The following ANO4 variants were observed in gnomAD, a reference collection of about 807,000 sequenced individuals.
The protein encoded by ANO4 is anoctamin 4, also known as anoctamin-4.
Under a neutral mutation model 141.9 loss-of-function variants are expected in ANO4, and 69 were observed. The observed-to-expected ratio is 0.49, with a 90% CI of 0.40 to 0.59. The LOEUF (loss-of-function observed/expected upper bound fraction) is 0.59. Ranked by LOEUF, ANO4 falls within the 20% of genes least tolerant of loss-of-function variation. The pLI is 0.00. For missense variants in ANO4, 894 were observed against 1,162.2 expected (o/e 0.77, Z 3.36); for synonymous variants, 350 against 394.3 (o/e 0.89, Z 1.33).
rs192979223 is a variant in ANO4 at position 100,796,069 on chromosome 12, C to G, written c.-141+1042C>G. 2.0e-4 allele frequency among the ~76,000 whole-genome samples: 29 copies of G among 143,364 alleles called. No individual in the cohort carries two copies. In the East Asian group the frequency reaches 5.7e-3, roughly 28 times the overall value. 94.1% of individuals were successfully genotyped at this position (143,364 alleles called of 152,430 possible). A position where few individuals can be genotyped will look rare whatever the true frequency, so the allele number is the denominator to read the frequency against. ...TTTTTTTTTTTGGTAGCAGGTGTGT[C>G]GAACTATTTTGGTCAAAGCATCATT... On this transcript the variant is annotated intron_variant, in intron 1 of 27. Coordinates refer to ENST00000392977, the MANE Select transcript of ANO4 (RefSeq NM_001286615.2).
chr12:101,126,034 C>T (rs974681719), intron 26 of ANO4, among the ~76,000 whole-genome samples: 7 of 146,422 alleles, frequency 4.8e-5, no homozygotes, highest in African/African-American at 1.9e-4. Flanking sequence ...TAAAAGGCTG[C>T]CTTATTTGGC....
intron 3 of ANO4, among the ~76,000 whole-genome samples, chr12:100,783,763 C>T (rs534143174): frequency 6.6e-6 from 1 of 152,270 alleles, no homozygotes; most frequent in Middle Eastern, 3.4e-3. Flanking sequence ...AATGATATTA[C>T]TAGCCCACAA....
intron 3 of ANO4, among the ~76,000 whole-genome samples, chr12:100,740,736 TA>T (rs2031828476): frequency 6.6e-6 from 1 of 152,242 alleles, no homozygotes; most frequent in Non-Finnish European, 1.5e-5. Flanking sequence ...GAATAGTTTT[TA>T]CATTTTTAAA....
intron 14 of ANO4, among the ~76,000 whole-genome samples, chr12:101,072,746 G>GA (rs577175811): frequency 0.035 from 5,282 of 149,046 alleles, 311 homozygotes; most frequent in African/African-American, 0.12. Flanking sequence ...ACTTACAAGG[G>GA]AAAAAAAAAC....
At chr12:101,009,452 T>C (rs2045992391) in intron 8 of ANO4, among the ~76,000 whole-genome samples, 1 of 152,166 alleles carries the variant, frequency 6.6e-6, no homozygotes, top group African/African-American at 2.4e-5. Context: ...TTCATTATAC[T>C]GCACTCATTA....
intron 3 of ANO4, among the ~76,000 whole-genome samples, chr12:100,789,199 C>G (rs998850284): frequency 1.3e-5 from 2 of 152,122 alleles, no homozygotes; most frequent in Non-Finnish European, 2.9e-5. Flanking sequence ...CATTGTTATT[C>G]TCATTTCCTA....
intron 8 of ANO4, among the ~76,000 whole-genome samples, chr12:101,007,859 A>G (rs2045935540): frequency 6.6e-6 from 1 of 152,158 alleles, no homozygotes; most frequent in African/African-American, 2.4e-5. Flanking sequence ...AGCTAGGACT[A>G]CAAGTGTGTG....
intron 9 of ANO4, among the ~76,000 whole-genome samples, chr12:101,032,468 G>T (rs968227861): frequency 1.3e-5 from 2 of 152,000 alleles, no homozygotes; most frequent in African/African-American, 4.8e-5. Context: ...TTAAAAAATG[G>T]GATCTAATTA....
chr12:101,062,545 G>C (rs1223247184), intron 14 of ANO4, among the ~76,000 whole-genome samples: 1 of 152,230 alleles, frequency 6.6e-6, no homozygotes, highest in Non-Finnish European at 1.5e-5. Flanking sequence ...ATAAGCCCCT[G>C]ACTGGGGCTG....
chr12:101,106,661 A>C (rs553656391), intron 22 of ANO4, among the ~76,000 whole-genome samples: 1 of 150,554 alleles, frequency 6.6e-6, no homozygotes, highest in African/African-American at 2.4e-5. Context: ...AGAGGAAACC[A>C]CTCAAGAGCA....
chr12:100,820,173 A>G (rs2035961638), intron 1 of ANO4, among the ~76,000 whole-genome samples: 1 of 151,732 alleles, frequency 6.6e-6, no homozygotes, highest in Non-Finnish European at 1.5e-5. Flanking sequence ...CTAGATGTTT[A>G]GAGCAGAAGG....
chr12:100,790,977 A>G (rs2034026798), upstream of ANO4, among the ~76,000 whole-genome samples: 4 of 152,380 alleles, frequency 2.6e-5, no homozygotes, highest in South Asian at 8.3e-4. Context: ...TTTAGAATTT[A>G]GTGAGGGACC....
intron 1 of ANO4, among the ~76,000 whole-genome samples, chr12:100,718,136 A>G (rs1019682282): frequency 6.6e-6 from 1 of 152,204 alleles, no homozygotes; most frequent in Non-Finnish European, 1.5e-5. Flanking sequence ...TTGTTAAATA[A>G]ATATATATGA....
intron 10 of ANO4, among the ~76,000 whole-genome samples, chr12:101,037,783 A>C (rs1179203029): frequency 1.3e-5 from 2 of 152,198 alleles, no homozygotes; most frequent in Non-Finnish European, 2.9e-5. Context: ...TTATTGAGAA[A>C]TTATTGTCAT....
At chr12:101,033,380 G>A (rs147028363) in intron 9 of ANO4, among the ~76,000 whole-genome samples, 3,503 of 152,118 alleles carry the variant, frequency 0.023, 127 homozygotes, top group African/African-American at 0.08. Context: ...TGACGAGCTA[G>A]TGGGTGCAGC....
At chr12:101,083,634 G>A (rs2049370197) in intron 15 of ANO4, 44 bp from the exon 16 acceptor site, 2 of 1,563,190 alleles carry the variant, frequency 1.3e-6, no homozygotes, top group African/African-American at 1.4e-5. Flanking sequence ...TTTATTGTGT[G>A]AGCACCTCTT....
intron 1 of ANO4, among the ~76,000 whole-genome samples, chr12:100,884,425 A>G (rs2039724885): frequency 6.6e-6 from 1 of 152,176 alleles, no homozygotes; most frequent in Non-Finnish European, 1.5e-5. Flanking sequence ...ACTTTGGGGA[A>G]GGCCTATCAG....
chr12:100,759,264 T>C (rs78717311), intron 3 of ANO4, among the ~76,000 whole-genome samples: 2 of 152,204 alleles, frequency 1.3e-5, no homozygotes, highest in East Asian at 1.9e-4. Flanking sequence ...GTGGTGAGAA[T>C]GTTGCTTTCC....
At chr12:101,036,945 C>T (rs2047221173) in intron 9 of ANO4, 150 bp from the exon 10 acceptor site, 3 of 605,054 alleles carry the variant, frequency 5.0e-6, no homozygotes. Flanking sequence ...AATTTCACGG[C>T]AGCAGAGCTT....
Sources: allele counts gnomAD v4.1 joint callset (sites outside exome capture counted in the v4.1 genomes callset), GRCh38; gene constraint gnomAD v4.1.1; transcripts MANE v1.5; gene names NCBI Gene and HGNC (gene_info 2026-07-23, HGNC 2026-07-21).